PACRG: variants seen among roughly 807,000 people sequenced by gnomAD.
PACRG encodes parkin coregulated gene protein.
A neutral mutation model predicts 29.7 loss-of-function variants in PACRG; 29 were observed. The observed-to-expected ratio is 0.98, with a 90% CI of 0.73 to 1.33. The LOEUF (loss-of-function observed/expected upper bound fraction) is 1.33. PACRG is among the 40% of genes most tolerant of loss of function. PACRG has a pLI of 0.00. For synonymous variants in PACRG, 116 were observed against 118.7 expected, an observed-to-expected ratio of 0.98 and a Z score of 0.15; for missense variants, 279 against 316.2, an observed-to-expected ratio of 0.88 and a Z score of 0.89.
In PACRG at chr6:162,777,452, A is replaced by T. The variant is rs574614182; in HGVS notation, c.157-36695A>T. On this transcript the variant is annotated intron_variant, in intron 1 of 4. Coordinates refer to ENST00000366888, the MANE Select transcript of PACRG (RefSeq NM_001080379.2). The surrounding 1 kb of genome is among the most constrained non-coding windows in gnomAD (Gnocchi z 4.0). Reference sequence around the variant, plus strand: ...CAGAATTCCCATCACACCATCCCAAATTCTACTAAGTGTCAGACCAGGCCA... The same window carrying T: ...CAGAATTCCCATCACACCATCCCAATTTCTACTAAGTGTCAGACCAGGCCA... Among the ~76,000 whole-genome samples, 95 of 152,168 alleles carry T rather than the reference A, an allele frequency of 6.2e-4. No individual in the cohort carries two copies. Among genetic ancestry groups the T allele is most frequent in the Non-Finnish European group, 1.2e-3 (80 of 68,016 alleles).
At chr6:163,056,647 G>A (rs923741125) in intron 2 of PACRG, among the ~76,000 whole-genome samples, 3 of 152,172 alleles carry the variant, frequency 2.0e-5, no homozygotes, top group Admixed American at 2.0e-4. Flanking sequence ...TTCAGAAGGA[G>A]TGGTCATGAA....
intron 2 of PACRG, among the ~76,000 whole-genome samples, chr6:162,919,176 A>G (rs1265941268): frequency 6.6e-6 from 1 of 152,244 alleles, no homozygotes; most frequent in East Asian, 1.9e-4. Flanking sequence ...TAGACGAAGA[A>G]CATAGCATGA....
chr6:163,020,702 C>CT (rs528397741), intron 2 of PACRG, among the ~76,000 whole-genome samples: 36 of 152,030 alleles, frequency 2.4e-4, no homozygotes, highest in African/African-American at 8.4e-4. Flanking sequence ...CCGAGAAAAT[C>CT]TTTTTTTTCC....
intron 2 of PACRG, among the ~76,000 whole-genome samples, chr6:162,856,416 T>G (rs553161828): frequency 6.6e-5 from 10 of 152,306 alleles, no homozygotes; most frequent in Admixed American, 1.3e-4. Flanking sequence ...TATCGGGTAC[T>G]TTAATAGTGA....
Position 162,794,684 on chromosome 6 carries a change from G to T in PACRG, c.157-19463G>T, listed in dbSNP as rs7755569. Among the ~76,000 whole-genome samples the T allele has an allele frequency of 7.1e-4, 108 of 152,100 alleles. No individual in the cohort carries two copies. In the East Asian group the frequency reaches 0.011, roughly 16 times the overall value. On this transcript the variant is annotated intron_variant, in intron 1 of 4. Coordinates refer to ENST00000366888, the MANE Select transcript of PACRG (RefSeq NM_001080379.2). ...ATGCAGTTGTCCCGCACCATATATC[G>T]AAAACTACCTTCCCCATTCATCAGC...
At chr6:163,236,010 A>G (rs1270522123) in intron 4 of PACRG, among the ~76,000 whole-genome samples, 1 of 152,104 alleles carries the variant, frequency 6.6e-6, no homozygotes, top group Non-Finnish European at 1.5e-5. Flanking sequence ...TCCAAAGGTT[A>G]CTTGTTATAT....
intron 2 of PACRG, among the ~76,000 whole-genome samples, chr6:163,024,487 A>G (rs977471770): frequency 3.9e-5 from 6 of 152,162 alleles, no homozygotes; most frequent in African/African-American, 1.4e-4. Context: ...GGCTTACAGT[A>G]TGGTTTAAAG....
chr6:163,278,778 G>C (rs1784137698), intron 4 of PACRG, among the ~76,000 whole-genome samples: 1 of 152,138 alleles, frequency 6.6e-6, no homozygotes, highest in Non-Finnish European at 1.5e-5. Context: ...GATGCCTCCA[G>C]ATTTATTCTT....
At chr6:163,185,471 C>T (rs1779873789) in intron 4 of PACRG, among the ~76,000 whole-genome samples, 1 of 152,166 alleles carries the variant, frequency 6.6e-6, no homozygotes, top group Admixed American at 6.5e-5. Context: ...AAAGATGTTA[C>T]TGTTACTTCA....
intron 2 of PACRG, among the ~76,000 whole-genome samples, chr6:163,047,303 G>T (rs1001798496): frequency 1.3e-5 from 2 of 152,164 alleles, no homozygotes; most frequent in Non-Finnish European, 2.9e-5. Flanking sequence ...GCATTATACA[G>T]ATATGTGATC....
intron 3 of PACRG, among the ~76,000 whole-genome samples, chr6:163,073,844 T>C (rs1209165451): frequency 2.0e-5 from 3 of 152,202 alleles, no homozygotes; most frequent in Non-Finnish European, 4.4e-5. Context: ...CTCGACATAA[T>C]TGATCATCAG....
intron 4 of PACRG, among the ~76,000 whole-genome samples, chr6:163,205,584 G>A (rs1446189336): frequency 2.6e-5 from 4 of 152,102 alleles, no homozygotes; most frequent in Admixed American, 6.6e-5. Context: ...ATACTTAAAT[G>A]TAAAACCTAA....
chr6:163,108,392 C>CTTTTTTTTTTTTTTTTTTTTTTTTTTTT (rs528887997), intron 4 of PACRG, among the ~76,000 whole-genome samples: 1 of 90,510 alleles, frequency 1.1e-5, no homozygotes, highest in Non-Finnish European at 2.0e-5. Flanking sequence ...TTCTCTTTCC[C>CTTTTTTTTTTTTTTTTTTTTTTTTTTTT]TTTTTTTTTT....
At chr6:162,922,507 A>G (rs1362372624) in intron 2 of PACRG, among the ~76,000 whole-genome samples, 1 of 151,926 alleles carries the variant, frequency 6.6e-6, no homozygotes, top group East Asian at 1.9e-4. Context: ...GCAGTGGAAC[A>G]TATTCCTCCT....
chr6:163,035,826 A>C lies in PACRG; in HGVS notation c.292-26324A>C, dbSNP rs2498498. ...AGACTCTGTCTCAAAAAAAAAAAAA[A>C]AAAAAAAACAAAGAATGCCTTAACC... On this transcript the variant is annotated intron_variant, in intron 2 of 4. Coordinates refer to ENST00000366888, the MANE Select transcript of PACRG (RefSeq NM_001080379.2). Among the ~76,000 whole-genome samples, 348 of 150,890 alleles carry C rather than the reference A, an allele frequency of 2.3e-3. 2 individuals are homozygous for C. The highest frequency in any genetic ancestry group is 7.7e-3 in the African/African-American group (315 of 40,934).
chr6:162,885,207 C>T (rs1794226432), intron 2 of PACRG, among the ~76,000 whole-genome samples: 1 of 151,020 alleles, frequency 6.6e-6, no homozygotes, highest in Non-Finnish European at 1.5e-5. Context: ...CCTTTCAATG[C>T]TCTGCAGAGT....
chr6:162,811,100 A>T (rs1786824514), intron 1 of PACRG, among the ~76,000 whole-genome samples: 1 of 152,178 alleles, frequency 6.6e-6, no homozygotes, highest in South Asian at 2.1e-4. Context: ...TGGATTTATC[A>T]TCCAAAGCCT....
upstream of PACRG, chr6:162,727,339 A>G: frequency 1.1e-5 from 4 of 378,746 alleles, no homozygotes; most frequent in East Asian, 4.9e-5. Context: ...GGCGGGGAGA[A>G]GGCTTCGGGA....
chr6:162,734,584 A>G (rs868034678), intron 1 of PACRG, among the ~76,000 whole-genome samples: 2 of 152,342 alleles, frequency 1.3e-5, no homozygotes, highest in Middle Eastern at 3.4e-3. Context: ...TCTTTCATAT[A>G]TAATAGGGCT....
Sources: gnomAD v4.1 joint callset for allele counts (sites outside exome capture counted in the v4.1 genomes callset) on GRCh38, gnomAD v4.1.1 for gene constraint, Gnocchi (gnomAD v3.1) non-coding constraint, MANE v1.5 for transcripts, NCBI Gene and HGNC (gene_info 2026-07-23, HGNC 2026-07-21) for gene names.